PNISR: variants seen among roughly 807,000 people sequenced by gnomAD.
PNISR encodes arginine/serine-rich protein PNISR.
Under a neutral mutation model 93.4 loss-of-function variants are expected in PNISR, and 20 were observed. The observed-to-expected ratio is 0.21, with a 90% CI of 0.15 to 0.31. PNISR has a LOEUF of 0.31. Among genes scored for constraint, PNISR ranks in the 10% least tolerant of loss-of-function variants. The pLI is 1.00. For synonymous variants in PNISR, 305 were observed against 306.5 expected, an observed-to-expected ratio of 0.99 and a Z score of 0.05; for missense variants, 893 against 985.4, an observed-to-expected ratio of 0.91 and a Z score of 1.25.
At position 99,414,926 on chromosome 6, in the gene PNISR, G is replaced by C. The variant is rs1284839441; in HGVS notation, c.-31-236C>G. ...AACACAATGAATTTAGCTCAAAAAA[G>C]ACTTTAAAAAAAACTCTATTTTTTG... On this transcript the variant is annotated intron_variant, in intron 2 of 11. Transcript: ENST00000369239. The C allele has an allele frequency of 1.2e-5, 3 of 240,626 alleles. No individual in the cohort carries two copies. In the Admixed American group the frequency reaches 1.7e-4, roughly 13 times the overall value. 14.9% of individuals were successfully genotyped at this position (240,626 alleles called of 1,614,324 possible).
At chr6:99,410,414 G>A in intron 5 of PNISR, 1 of 240,688 alleles carries the variant, frequency 4.2e-6, no homozygotes, top group Admixed American at 5.0e-5. Context: ...CAATTACTGT[G>A]CATTCTCTAG....
chr6:99,400,920 T>G lies in PNISR; in HGVS notation c.2038A>C (p.Lys680Gln). 1 of 1,576,126 alleles carries G rather than the reference T, an allele frequency of 6.3e-7. No homozygotes were observed. The change falls in exon 12 of 12, where the codon AAA becomes CAA. Residue 680 changes from lysine to glutamine, a missense_variant. By Grantham distance (53) the Lys-to-Gln change is moderately conservative. Transcript: ENST00000369239. ...TGTTCACGTTCCCTTTCTTTGTCTT[T>G]CTTTTTCCTATCTTTATCTATACTT... The part of the protein sequence containing the change: ...SRSIDKDRKK[K>Q]DKEREREQDK...
intron 4 of PNISR, chr6:99,412,290 T>C (rs1170642183): frequency 3.3e-6 from 2 of 598,634 alleles, no homozygotes; most frequent in South Asian, 3.0e-5. Context: ...CCAAGTGAGG[T>C]TTCCAGAGTG....
At chr6:99,414,029 TA>T (rs995990381) in intron 3 of PNISR, among the ~76,000 whole-genome samples, 49 of 152,140 alleles carry the variant, frequency 3.2e-4, no homozygotes, top group Admixed American at 2.4e-3. Context: ...ACATGGCTAT[TA>T]AAAAAAGAAA....
chr6:99,405,625 C>CA (rs1776065857), intron 8 of PNISR, among the ~76,000 whole-genome samples: 1 of 152,080 alleles, frequency 6.6e-6, no homozygotes, highest in African/African-American at 2.4e-5. Context: ...AACGCAGTGG[C>CA]ACCACCTCGG....
intron 8 of PNISR, among the ~76,000 whole-genome samples, chr6:99,404,924 G>A (rs1386657026): frequency 6.6e-6 from 1 of 151,746 alleles, no homozygotes; most frequent in African/African-American, 2.4e-5. Context: ...AACTACAGGC[G>A]TGCACCACCA....
Position 99,416,381 on chromosome 6 carries a change from T to TC in PNISR, c.-65_-64insG. The TC allele has an allele frequency of 3.3e-6, 4 of 1,221,062 alleles. No homozygotes were observed. The highest frequency in any genetic ancestry group is 4.1e-6 in the Non-Finnish European group (4 of 978,302). 75.6% of individuals were successfully genotyped at this position (1,221,062 alleles called of 1,614,324 possible). A position where few individuals can be genotyped will look rare whatever the true frequency, so the allele number is the denominator to read the frequency against. On this transcript the variant is annotated 5_prime_UTR_variant, in exon 2 of 12. The change creates a premature stop within an existing upstream ORF in the 5' untranslated region. Transcript: ENST00000369239. Reference sequence around the variant, plus strand: ...GTTCACCTTCTGTTTAAAACTTAGGTTGATTCAGACTACAGCTTCGAAGCA... The same window carrying TC: ...GTTCACCTTCTGTTTAAAACTTAGGTCTGATTCAGACTACAGCTTCGAAGCA...
intron 2 of PNISR, chr6:99,415,628 T>G (rs938234749): frequency 5.9e-5 from 9 of 152,180 alleles, no homozygotes; most frequent in African/African-American, 1.9e-4. Context: ...CAAGAACCAG[T>G]GACTCACATA....
At chr6:99,413,438 T>TCCATC (rs1562250687) in intron 3 of PNISR, among the ~76,000 whole-genome samples, 1 of 142,388 alleles carries the variant, frequency 7.0e-6, no homozygotes, top group African/African-American at 2.7e-5. Flanking sequence ...ATCCATCCAT[T>TCCATC]CATCCATGAT....
At position 99,412,596 on chromosome 6, in the gene PNISR, C is replaced by T. The variant is rs1228647409; in HGVS notation, c.232G>A (p.Gly78Arg). 6.2e-7 allele frequency: 1 copy of T among 1,606,616 alleles called. No individual in the cohort carries two copies. Among genetic ancestry groups the T allele is most frequent in the Non-Finnish European group, 8.5e-7 (1 of 1,177,826 alleles). ...AAGTTTGAATCCCCTTGGAAATTCC[C>T]ATGATTGTTTGGACCAGATTCCATT... is the stretch of plus-strand genomic sequence containing the variant. The part of the protein sequence containing the change: ...STMESGPNNH[G>R]NFQGDSNFNR... Residue 78 changes from glycine to arginine, a missense_variant, in exon 4 of 12, where the codon GGG becomes AGG. Around this residue, in one of 3 missense-constraint regions of PNISR, gnomAD observed 866 missense variants for 935.1 expected, o/e 0.93. Transcript: ENST00000369239.
chr6:99,419,902 T>TTC (rs1486312539), intron 1 of PNISR, among the ~76,000 whole-genome samples: 4 of 152,004 alleles, frequency 2.6e-5, no homozygotes, highest in Non-Finnish European at 5.9e-5. Flanking sequence ...TTTTTTTTTT[T>TTC]GAGATGGAGT....
At position 99,413,795 on chromosome 6, in the gene PNISR, T is replaced by C. The variant is rs541552948; in HGVS notation, c.88+777A>G. ...TGAAGATTAAATAGGTATTCTCAGTTTGAAACACTGGCATAACCCCTATGG... is the reference window on the plus strand; with the variant it reads ...TGAAGATTAAATAGGTATTCTCAGTCTGAAACACTGGCATAACCCCTATGG... On this transcript the variant is annotated intron_variant, in intron 3 of 11. Coordinates refer to ENST00000369239, the MANE Select transcript of PNISR (RefSeq NM_032870.4). Among the ~76,000 whole-genome samples the C allele has an allele frequency of 5.9e-5, 7 of 119,564 alleles. No individual in the cohort carries two copies. The South Asian group carries it at 1.7e-3, about 28-fold the overall frequency. 78.4% of individuals were successfully genotyped at this position (119,564 alleles called of 152,430 possible).
intron 1 of PNISR, among the ~76,000 whole-genome samples, chr6:99,420,543 C>A (rs1280243128): frequency 6.6e-6 from 1 of 152,202 alleles, no homozygotes. Flanking sequence ...TTCATCTTCA[C>A]CATAGTATCT....
At position 99,403,821 on chromosome 6, in the gene PNISR, A is replaced by ATT; in HGVS notation, c.1156+7_1156+8insAA. 2 of 1,610,330 alleles carry ATT rather than the reference A, an allele frequency of 1.2e-6. No homozygotes were observed. The highest frequency in any genetic ancestry group is 1.7e-6 in the Non-Finnish European group (2 of 1,177,016). On this transcript the variant is annotated splice_region_variant and intron_variant, in intron 10 of 11. Transcript: ENST00000369239. ...TTAGGCCCTCTCACAAATATGGAAA[A>ATT]CACTTACCGAGTCCAGTGAGGGAAG...
intron 6 of PNISR, among the ~76,000 whole-genome samples, chr6:99,408,720 T>C (rs1562239987): frequency 6.6e-6 from 1 of 152,226 alleles, no homozygotes; most frequent in Non-Finnish European, 1.5e-5. Flanking sequence ...AGGCTGGCTC[T>C]ATAATGTTAT....
rs145481872 is a variant in PNISR, at chr6:99,402,665, C to T, written c.1202G>A (p.Ser401Asn). 29 of 1,612,966 alleles carry T rather than the reference C, an allele frequency of 1.8e-5. No homozygotes were observed. In the African/African-American group the frequency reaches 3.7e-4, roughly 21 times the overall value. ...YGSGDSEDER[S>N]DRGSESSDTD... ...GTCAGATGACTCAGATCCTCTGTCA[C>T]TCCTCTCATCTTCACTGTCTCCTGA... Residue 401 changes from serine (S) to asparagine (N), a missense_variant, in exon 11 of 12, where the codon AGT becomes AAT. Physicochemically the swap from Ser to Asn is conservative, Grantham distance 46. Transcript: ENST00000369239.
At chr6:99,405,991 A>C (rs1776118111) in intron 8 of PNISR, 40 bp downstream of exon 8, 1 of 1,474,578 alleles carries the variant, frequency 6.8e-7, no homozygotes, top group Non-Finnish European at 9.2e-7. Flanking sequence ...ATTGCAAACG[A>C]AATAAATCCA....
chr6:99,417,228 GA>G (rs1450969030), intron 1 of PNISR, among the ~76,000 whole-genome samples: 1 of 152,172 alleles, frequency 6.6e-6, no homozygotes, highest in African/African-American at 2.4e-5. Context: ...TTTAAATGAT[GA>G]AAATGATGTA....
intron 5 of PNISR, chr6:99,409,581 C>G (rs1421606576): frequency 8.0e-6 from 3 of 374,270 alleles, no homozygotes; most frequent in African/African-American, 2.1e-5. Flanking sequence ...AAGCTACTTT[C>G]AAGAAGTATA....
Sources: gnomAD v4.1 joint callset for allele counts (sites outside exome capture counted in the v4.1 genomes callset) on GRCh38, gnomAD v4.1.1 for gene constraint, gnomAD v4.1.1 regional missense constraint, MANE v1.5 for transcripts, NCBI Gene and HGNC (gene_info 2026-07-23, HGNC 2026-07-21) for gene names.